Variants in ADGRL3 observed in about 807,000 individuals in gnomAD.
ADGRL3 encodes adhesion G protein-coupled receptor L3, also known as calcium-independent alpha-latrotoxin receptor 3.
ADGRL3 carries 62 observed loss-of-function variants against 153.5 expected under a neutral mutation model. The observed-to-expected ratio is 0.40, with a 90% CI of 0.33 to 0.50. The LOEUF is 0.50. Among genes scored for constraint, ADGRL3 ranks in the 20% least tolerant of loss-of-function variants. The pLI is 0.47. For synonymous variants in ADGRL3, 710 were observed against 672.5 expected, an observed-to-expected ratio of 1.06 and a Z score of -0.86; for missense variants, 1,641 against 1,859.4, an observed-to-expected ratio of 0.88 and a Z score of 2.16.
intron 25 of ADGRL3, among the ~76,000 whole-genome samples, chr4:62,052,803 T>C (rs1734932374): frequency 6.6e-6 from 1 of 151,404 alleles, no homozygotes; most frequent in Non-Finnish European, 1.5e-5. Flanking sequence ...TCCCAGATCT[T>C]TGTGCTCCTG....
rs999533141 is a variant in ADGRL3, at chr4:61,355,565, C to T, written c.-239-27559C>T. On this transcript the variant is annotated intron_variant, in intron 1 of 26. Transcript: ENST00000683033. The stretch of plus-strand genomic sequence containing the variant: ...ACTTTACCTATCTTTCTAAAAGTGA[C>T]CATTTGAAAATTAAATTGGTATTTC... 7.2e-5 allele frequency among the ~76,000 whole-genome samples: 11 copies of T among 152,032 alleles called. No homozygotes were observed. In the East Asian group the frequency reaches 9.6e-4, roughly 13 times the overall value.
At chr4:61,403,300 G>A (rs968448739) in intron 2 of ADGRL3, among the ~76,000 whole-genome samples, 3 of 151,990 alleles carry the variant, frequency 2.0e-5, no homozygotes, top group Non-Finnish European at 4.4e-5. Flanking sequence ...ACTAGTTTCC[G>A]GGGACATCAA....
chr4:61,947,770 AT>A (rs1346755276), intron 16 of ADGRL3, among the ~76,000 whole-genome samples: 1 of 152,212 alleles, frequency 6.6e-6, no homozygotes, highest in African/African-American at 2.4e-5. Flanking sequence ...TCTAAAGATC[AT>A]CCTTTCAGAT....
intron 1 of ADGRL3, among the ~76,000 whole-genome samples, chr4:61,219,829 C>T (rs924908674): frequency 1.3e-5 from 2 of 152,130 alleles, no homozygotes; most frequent in South Asian, 2.1e-4. Flanking sequence ...AGTCATCTGC[C>T]AGGTGCAGTG....
At chr4:61,287,347 C>A (rs926656970) in intron 1 of ADGRL3, among the ~76,000 whole-genome samples, 1 of 151,826 alleles carries the variant, frequency 6.6e-6, no homozygotes, top group Admixed American at 6.6e-5. Flanking sequence ...TAAAGGTGAC[C>A]TATCCTGTTC....
intron 3 of ADGRL3, among the ~76,000 whole-genome samples, chr4:61,507,047 C>A (rs996906744): frequency 1.3e-5 from 2 of 152,178 alleles, no homozygotes; most frequent in African/African-American, 4.8e-5. Context: ...ATAAACATTA[C>A]CTGAATTAGA....
At chr4:61,788,792 A>G (rs915450293) in intron 8 of ADGRL3, among the ~76,000 whole-genome samples, 1 of 152,208 alleles carries the variant, frequency 6.6e-6, no homozygotes, top group South Asian at 2.1e-4. Flanking sequence ...TTAAGGATCT[A>G]TGTACATCCA....
At chr4:61,637,936 G>A (rs1290227069) in intron 5 of ADGRL3, among the ~76,000 whole-genome samples, 1 of 152,138 alleles carries the variant, frequency 6.6e-6, no homozygotes, top group Non-Finnish European at 1.5e-5. Context: ...TAATTGCATT[G>A]AATATAAACA....
intron 1 of ADGRL3, among the ~76,000 whole-genome samples, chr4:61,280,740 G>A (rs1158400201): frequency 6.6e-6 from 1 of 152,028 alleles, no homozygotes; most frequent in Non-Finnish European, 1.5e-5. Context: ...TTCATGTAAG[G>A]ATGCATATTT....
At chr4:61,614,241 A>G (rs1486367038) in intron 5 of ADGRL3, among the ~76,000 whole-genome samples, 2 of 152,224 alleles carry the variant, frequency 1.3e-5, no homozygotes, top group Non-Finnish European at 2.9e-5. Context: ...TAATAGCATT[A>G]TGCATGCTTA....
chr4:61,914,209 A>G (rs1383744730), intron 13 of ADGRL3, among the ~76,000 whole-genome samples: 1 of 152,090 alleles, frequency 6.6e-6, no homozygotes, highest in African/African-American at 2.4e-5. Context: ...CAACACAAGA[A>G]CACATTACAA....
At chr4:61,809,745 T>C (rs2097587969) in intron 8 of ADGRL3, among the ~76,000 whole-genome samples, 1 of 152,040 alleles carries the variant, frequency 6.6e-6, no homozygotes, top group Admixed American at 6.6e-5. Flanking sequence ...TGGTGTTTTA[T>C]GTATGCCAAA....
Position 61,616,404 on chromosome 4 carries a change from T to C in ADGRL3, c.473+28964T>C, listed in dbSNP as rs372027343. On this transcript the variant is annotated intron_variant, in intron 5 of 26. Transcript: ENST00000683033. Reference sequence around the variant, plus strand: ...TAAGTGGAAAAAACAATTTCATTACTACTGGACATTAATTTTCACTTCAAT... The same window carrying C: ...TAAGTGGAAAAAACAATTTCATTACCACTGGACATTAATTTTCACTTCAAT... Among the ~76,000 whole-genome samples, 43 of 152,314 alleles carry C rather than the reference T, an allele frequency of 2.8e-4. No homozygotes were observed. The South Asian group carries it at 8.3e-3, about 29-fold the overall frequency.
intron 1 of ADGRL3, among the ~76,000 whole-genome samples, chr4:61,297,490 A>T (rs1431129967): frequency 6.6e-6 from 1 of 152,146 alleles, no homozygotes; most frequent in Admixed American, 6.5e-5. Flanking sequence ...TGATTATAAA[A>T]ATGTGCATTA....
chr4:61,375,888 T>C (rs992673928), intron 1 of ADGRL3, among the ~76,000 whole-genome samples: 15 of 152,100 alleles, frequency 9.9e-5, no homozygotes, highest in African/African-American at 3.4e-4. Context: ...GCTTTATGAG[T>C]GGTAGTTTCT....
At chr4:61,757,419 T>C (rs879747484) in intron 8 of ADGRL3, among the ~76,000 whole-genome samples, 5 of 152,230 alleles carry the variant, frequency 3.3e-5, no homozygotes, top group Non-Finnish European at 5.9e-5. Context: ...GAGGTGTTTA[T>C]AGTATTCTCT....
At chr4:61,212,333 T>C (rs999670310) in intron 1 of ADGRL3, 2 of 152,206 alleles carry the variant, frequency 1.3e-5, no homozygotes, top group African/African-American at 4.8e-5. Flanking sequence ...ATATCATTCT[T>C]CTGATGAGAA....
intron 6 of ADGRL3, among the ~76,000 whole-genome samples, chr4:61,720,089 CTTT>C (rs11289224): frequency 2.2e-5 from 3 of 138,232 alleles, no homozygotes; most frequent in African/African-American, 2.7e-5. Flanking sequence ...CAGAGTGATA[CTTT>C]TTTTTTTTTT....
chr4:62,010,389 G>C (rs989753376), intron 21 of ADGRL3, among the ~76,000 whole-genome samples: 4 of 152,058 alleles, frequency 2.6e-5, no homozygotes, highest in Admixed American at 6.6e-5. Flanking sequence ...TAGGAGCTCT[G>C]TGCCAGGAAT....
Sources: gnomAD v4.1 joint callset for allele counts (sites outside exome capture counted in the v4.1 genomes callset) on GRCh38, gnomAD v4.1.1 for gene constraint, MANE v1.5 for transcripts, NCBI Gene and HGNC (gene_info 2026-07-23, HGNC 2026-07-21) for gene names.